CDIN1: variants seen among roughly 807,000 people sequenced by gnomAD.
CDIN1 encodes CDAN1 interacting nuclease 1.
Under a neutral mutation model 45.3 loss-of-function variants are expected in CDIN1, and 33 were observed. That is an observed-to-expected ratio of 0.73 (90% CI 0.55 to 0.97). The LOEUF (loss-of-function observed/expected upper bound fraction) is 0.97, where lower values mean the gene tolerates loss of function less well. Ranked by LOEUF, CDIN1 falls within the 50% of genes least tolerant of loss-of-function variation. CDIN1 has a pLI of 0.00. For missense variants in CDIN1, 303 were observed against 339.4 expected, an observed-to-expected ratio of 0.89 and a Z score of 0.84; for synonymous variants, 118 against 124.4, an observed-to-expected ratio of 0.95 and a Z score of 0.34.
At chr15:36,743,695 G>A (rs757633334) in intron 10 of CDIN1, among the ~76,000 whole-genome samples, 1 of 151,816 alleles carries the variant, frequency 6.6e-6, no homozygotes, top group Non-Finnish European at 1.5e-5. Flanking sequence ...AGTTTGAGAC[G>A]AGCCTGGGCA....
chr15:36,695,176 A>G (rs1480569095), intron 7 of CDIN1, among the ~76,000 whole-genome samples: 1 of 152,196 alleles, frequency 6.6e-6, no homozygotes, highest in African/African-American at 2.4e-5. Flanking sequence ...ACCTGTATGT[A>G]TTGGTAAAAT....
intron 10 of CDIN1, among the ~76,000 whole-genome samples, chr15:36,797,068 G>T (rs11636541): frequency 0.11 from 16,103 of 152,240 alleles, 1,044 homozygotes; most frequent in Non-Finnish European, 0.15. Context: ...TGTAGAGTTT[G>T]TATGTTATGG....
intron 1 of CDIN1, chr15:36,591,892 G>A (rs1226769009): frequency 6.6e-6 from 1 of 152,118 alleles, no homozygotes; most frequent in African/African-American, 2.4e-5. Flanking sequence ...CCCTCTAGGG[G>A]CCAGGCAAGT....
chr15:36,756,100 G>T (rs190087872), intron 10 of CDIN1: 7 of 455,808 alleles, frequency 1.5e-5, no homozygotes, highest in African/African-American at 1.4e-4. Context: ...GTTTGACCCC[G>T]AACATGGTGA....
chr15:36,694,312 T>C (rs1039639921), intron 7 of CDIN1, among the ~76,000 whole-genome samples: 3 of 152,222 alleles, frequency 2.0e-5, no homozygotes, highest in Non-Finnish European at 1.5e-5. Flanking sequence ...TGAATAAAAA[T>C]TATTGTTTTT....
chr15:36,742,817 C>G (rs2044286165), intron 10 of CDIN1, among the ~76,000 whole-genome samples: 1 of 152,188 alleles, frequency 6.6e-6, no homozygotes, highest in Non-Finnish European at 1.5e-5. Context: ...AGCATGGCCT[C>G]AAGCCTCAGT....
At chr15:36,756,384 T>C (rs1027714252) in intron 10 of CDIN1, among the ~76,000 whole-genome samples, 1 of 152,210 alleles carries the variant, frequency 6.6e-6, no homozygotes, top group African/African-American at 2.4e-5. Context: ...TAGTGAACTT[T>C]AAAGCCCATA....
intron 10 of CDIN1, among the ~76,000 whole-genome samples, chr15:36,725,171 A>C (rs967348760): frequency 6.6e-6 from 1 of 152,158 alleles, no homozygotes; most frequent in African/African-American, 2.4e-5. Context: ...TGGTCAGGAT[A>C]CCTGACACTC....
At position 36,732,741 on chromosome 15, in the gene CDIN1, G is replaced by A. The variant is rs1405441038; in HGVS notation, c.716+22780G>A. Among the ~76,000 whole-genome samples, 3 of 151,990 alleles carry A rather than the reference G, an allele frequency of 2.0e-5. No homozygotes were observed. The East Asian group carries it at 5.8e-4, about 29-fold the overall frequency. ...AAATTGTTTGCAAAAAATAAAAAAAGTCAGGGGAATTATCTAAAAGTACCA... is the reference window on the plus strand; with the variant it reads ...AAATTGTTTGCAAAAAATAAAAAAAATCAGGGGAATTATCTAAAAGTACCA... On this transcript the variant is annotated intron_variant, in intron 10 of 10. Transcript: ENST00000566621.
chr15:36,705,801 A>G (rs904409860), intron 8 of CDIN1: 2 of 152,178 alleles, frequency 1.3e-5, no homozygotes. Flanking sequence ...GAAGACCCTT[A>G]CTTTGTATCT....
intron 7 of CDIN1, among the ~76,000 whole-genome samples, chr15:36,694,015 C>T (rs1219492984): frequency 6.6e-6 from 1 of 152,122 alleles, no homozygotes; most frequent in Admixed American, 6.5e-5. Context: ...ATAATTTTTG[C>T]AGTTTCATTA....
chr15:36,650,109 C>T (rs1042204014), intron 3 of CDIN1, among the ~76,000 whole-genome samples: 11 of 152,270 alleles, frequency 7.2e-5, no homozygotes, highest in East Asian at 3.9e-4. Flanking sequence ...CTGGCTCCTC[C>T]GCCAGTGTGC....
intron 5 of CDIN1, among the ~76,000 whole-genome samples, chr15:36,681,780 G>C (rs568207231): frequency 6.6e-6 from 1 of 152,194 alleles, no homozygotes; most frequent in Non-Finnish European, 1.5e-5. Context: ...GCCTGTAATT[G>C]TATACTATGT....
chr15:36,777,774 C>A (rs1413473371), intron 10 of CDIN1, among the ~76,000 whole-genome samples: 1 of 152,152 alleles, frequency 6.6e-6, no homozygotes, highest in African/African-American at 2.4e-5. Flanking sequence ...CCATGCCTGG[C>A]TAATTTGTGT....
chr15:36,708,458 A>ATTT (rs3045907), intron 8 of CDIN1: 1 of 139,158 alleles, frequency 7.2e-6, no homozygotes, highest in Non-Finnish European at 1.5e-5. Flanking sequence ...ATATTGGTGG[A>ATTT]TTTTTTTTTT....
At chr15:36,721,866 C>G (rs939893251) in intron 10 of CDIN1, among the ~76,000 whole-genome samples, 23 of 151,760 alleles carry the variant, frequency 1.5e-4, no homozygotes, top group African/African-American at 5.1e-4. Context: ...CTTGGCTTTC[C>G]CATTCTTCTA....
intron 5 of CDIN1, among the ~76,000 whole-genome samples, chr15:36,682,513 C>A (rs1053978119): frequency 3.3e-5 from 5 of 151,654 alleles, no homozygotes; most frequent in Non-Finnish European, 7.4e-5. Flanking sequence ...GTCACACATA[C>A]CTGTAATTTC....
Position 36,579,888 on chromosome 15 carries a change from G to C in CDIN1, c.28G>C (p.Glu10Gln), listed in dbSNP as rs1391961918. 1.9e-6 allele frequency: 3 copies of C among 1,613,986 alleles called. No homozygotes were observed. The highest frequency in any genetic ancestry group is 1.7e-6 in the Non-Finnish European group (2 of 1,179,878). ...GATACTGACCAAAGCTCAGTACGAC[G>C]AGATAGCCCAGTGCCTAGTGTCTGT... MILTKAQYD[E>Q]IAQCLVSVPP... The change falls in exon 1 of 11, where the codon GAG becomes CAG. Residue 10 changes from glutamate to glutamine, a missense_variant. By Grantham distance (29) the Glu-to-Gln change is conservative (BLOSUM62 2). Coordinates refer to ENST00000566621, the MANE Select transcript of CDIN1 (RefSeq NM_001321759.2).
intron 10 of CDIN1, among the ~76,000 whole-genome samples, chr15:36,733,068 A>T (rs1004767069): frequency 4.4e-4 from 67 of 152,086 alleles, no homozygotes; most frequent in African/African-American, 1.6e-3. Context: ...AGCACAAATC[A>T]TTTTTTTGTT....
Sources: gnomAD v4.1 joint callset for allele counts (sites outside exome capture counted in the v4.1 genomes callset) on GRCh38, gnomAD v4.1.1 for gene constraint, MANE v1.5 for transcripts, NCBI Gene and HGNC (gene_info 2026-07-23, HGNC 2026-07-21) for gene names.